Variants in DMBT1 observed in about 807,000 individuals in gnomAD.
DMBT1 encodes scavenger receptor cysteine-rich domain-containing protein DMBT1.
In DMBT1, 198 loss-of-function variants were observed where a neutral mutation model predicts 252.9. The ratio of observed to expected loss-of-function variants is 0.78; its 90% CI spans 0.70 to 0.88. The LOEUF (loss-of-function observed/expected upper bound fraction) is 0.88, where lower values mean the gene tolerates loss of function less well. Ranked by LOEUF, DMBT1 falls within the 40% of genes least tolerant of loss-of-function variation. The pLI, the probability that DMBT1 is intolerant of heterozygous loss-of-function variation, is 0.00. For synonymous variants in DMBT1, 990 were observed against 942.7 expected, an observed-to-expected ratio of 1.05 and a Z score of -0.92; for missense variants, 2,432 against 2,404.7, an observed-to-expected ratio of 1.01 and a Z score of -0.24.
At chr10:122,599,905 G>A (rs2097924520) in intron 26 of DMBT1, among the ~76,000 whole-genome samples, 159 bp from the exon 27 acceptor site, 1 of 152,112 alleles carries the variant, frequency 6.6e-6, no homozygotes, top group Admixed American at 6.5e-5. Flanking sequence ...CCCTTACATG[G>A]TGCATCTCTG....
rs1288832906 is a variant in DMBT1, at chr10:122,565,977, C to G, written c.72C>G (p.Ile24Met). The part of the protein sequence containing the change: ...WGQVLSTGGW[I>M]PRTTDYASLI... ...TTGTGTTCTTTCCAGGTGGGTGGAT[C>G]CCAAGGACTACAGACTACGGTAAGA... Residue 24 changes from isoleucine to methionine, a missense_variant, in exon 2 of 56, where the codon ATC becomes ATG. Physicochemically the swap from Ile to Met is conservative, Grantham distance 10 (BLOSUM62 1). This residue lies in a region of DMBT1 where 1,264 missense variants were observed against 1,082.2 expected (regional missense o/e 1.17). Transcript: ENST00000338354. 8 of 1,613,922 alleles carry G rather than the reference C, an allele frequency of 5.0e-6. 1 individual carries two copies. In the South Asian group the frequency reaches 8.8e-5, roughly 18 times the overall value.
intron 52 of DMBT1, 36 bp from the exon 53 acceptor site, chr10:122,635,955 G>A: frequency 1.2e-6 from 2 of 1,609,550 alleles, no homozygotes; most frequent in South Asian, 2.2e-5. Context: ...AATTCTGGGA[G>A]GAAATGAAGC....
chr10:122,626,511 T>A (rs917664487), intron 46 of DMBT1, among the ~76,000 whole-genome samples: 1 of 152,226 alleles, frequency 6.6e-6, no homozygotes, highest in Admixed American at 6.5e-5. Context: ...CCTCACTAAT[T>A]TTTCCTTTAG....
At chr10:122,631,746 G>T in intron 49 of DMBT1, 109 bp from the exon 50 acceptor site, 1 of 1,253,520 alleles carries the variant, frequency 8.0e-7, no homozygotes, top group Non-Finnish European at 1.1e-6. Flanking sequence ...GGGGACCCTC[G>T]CCGAGGGGGG....
chr10:122,568,695 C>T (rs913207994), intron 2 of DMBT1, among the ~76,000 whole-genome samples: 13 of 152,208 alleles, frequency 8.5e-5, no homozygotes, highest in South Asian at 6.2e-4. Context: ...ACAGCTGGGA[C>T]GCCCAGGATG....
At chr10:122,571,072 A>T in intron 4 of DMBT1, 135 bp downstream of exon 4, 2 of 1,102,582 alleles carry the variant, frequency 1.8e-6, no homozygotes, top group Non-Finnish European at 2.7e-6. Flanking sequence ...TGTGGATATC[A>T]CCTTGCTCTG....
Position 122,640,020 on chromosome 10 carries a change from C to A in DMBT1, c.6943-20C>A, listed in dbSNP as rs1319744368. On this transcript the variant is annotated intron_variant, in intron 54 of 55. Transcript: ENST00000338354. ...CAGGTGACATGTGCCTGACTCTGCT[C>A]TCTTGCCTGCCTCTCCTAGGCAGAC... 2 of 1,606,760 alleles carry A rather than the reference C, an allele frequency of 1.2e-6. No individual in the cohort carries two copies. Among genetic ancestry groups the A allele is most frequent in the Non-Finnish European group, 1.7e-6 (2 of 1,175,306 alleles).
intron 26 of DMBT1, 123 bp from the exon 27 acceptor site, chr10:122,599,941 C>A: frequency 1.4e-6 from 2 of 1,403,658 alleles, no homozygotes; most frequent in East Asian, 2.3e-5. Flanking sequence ...CAATGCCCCT[C>A]CCTGTGTGAT....
At chr10:122,570,750 C>T in intron 3 of DMBT1, 140 bp from the exon 4 acceptor site, 1 of 1,049,350 alleles carries the variant, frequency 9.5e-7, no homozygotes, top group Non-Finnish European at 1.5e-6. Context: ...CAGTGATTGG[C>T]ACATGGTTGG....
At chr10:122,638,773 C>A (rs4752713) in intron 54 of DMBT1, among the ~76,000 whole-genome samples, 29,801 of 152,218 alleles carry the variant, frequency 0.2, 4,033 homozygotes, top group East Asian at 0.4. Context: ...ACCATATTGC[C>A]TATCACACTG....
intron 44 of DMBT1, among the ~76,000 whole-genome samples, 190 bp downstream of exon 44, chr10:122,621,570 G>C (rs1341211344): frequency 6.6e-6 from 1 of 152,160 alleles, no homozygotes; most frequent in Non-Finnish European, 1.5e-5. Context: ...TTAGGACAGG[G>C]GACCAAACTG....
chr10:122,638,303 A>G (rs548260704), intron 54 of DMBT1, among the ~76,000 whole-genome samples: 1 of 151,366 alleles, frequency 6.6e-6, no homozygotes, highest in Non-Finnish European at 1.5e-5. Context: ...ATTCACACCC[A>G]TTCACACTCG....
At chr10:122,639,930 G>C in intron 54 of DMBT1, 110 bp from the exon 55 acceptor site, 2 of 1,310,462 alleles carry the variant, frequency 1.5e-6, no homozygotes, top group Non-Finnish European at 1.0e-6. Context: ...TTCTGGGAGG[G>C]GTGGAAGTCT....
intron 25 of DMBT1, 130 bp downstream of exon 25, chr10:122,598,142 G>A (rs2097902192): frequency 1.4e-6 from 2 of 1,385,014 alleles, no homozygotes; most frequent in Admixed American, 1.8e-5. Flanking sequence ...TGCATGGGAG[G>A]AAGGTAGCGT....
intron 26 of DMBT1, 62 bp downstream of exon 26, chr10:122,599,159 T>A (rs532466215): frequency 1.2e-6 from 2 of 1,611,968 alleles, no homozygotes; most frequent in East Asian, 2.2e-5. Flanking sequence ...AAGAAACTCC[T>A]AATTACATTC....
chr10:122,628,385 C>A (rs944178818), intron 46 of DMBT1, among the ~76,000 whole-genome samples: 1 of 152,066 alleles, frequency 6.6e-6, no homozygotes, highest in African/African-American at 2.4e-5. Flanking sequence ...CCTGTAATCC[C>A]AGCATTTTGG....
intron 48 of DMBT1, 89 bp downstream of exon 48, chr10:122,630,579 A>G: frequency 7.3e-7 from 1 of 1,376,940 alleles, no homozygotes; most frequent in East Asian, 2.3e-5. Context: ...AGGAAATCAA[A>G]GAAGGGCCTC....
intron 48 of DMBT1, 64 bp from the exon 49 acceptor site, chr10:122,630,897 A>G: frequency 6.6e-7 from 1 of 1,512,798 alleles, no homozygotes; most frequent in Non-Finnish European, 8.9e-7. Context: ...TTGGCCTTTG[A>G]GGTTTGTTGT....
rs1844891289 is a variant in DMBT1 at position 122,643,237 on chromosome 10, A to G, written c.7468A>G (p.Lys2490Glu). 3.1e-6 allele frequency: 5 copies of G among 1,613,950 alleles called. No individual in the cohort carries two copies. The highest frequency in any genetic ancestry group is 4.2e-6 in the Non-Finnish European group (5 of 1,179,882). The change falls in exon 56 of 56, where the codon AAA becomes GAA. Residue 2490 changes from lysine (K) to glutamate (E), a missense_variant. This residue lies in a region of DMBT1 where 1,162 missense variants were observed against 1,169.0 expected (regional missense o/e 0.99). Coordinates refer to ENST00000338354, the MANE Select transcript of DMBT1 (RefSeq NM_001377530.1). ...CTTCCCCTCCGTGTACCTGCGTTGT[A>G]AAATGGTGGTGTGCAGAGCGTATGA... ...NRFPSVYLRC[K>E]MVVCRAYDPS...
Sources: gnomAD v4.1 joint callset for allele counts (sites outside exome capture counted in the v4.1 genomes callset) on GRCh38, gnomAD v4.1.1 for gene constraint, gnomAD v4.1.1 regional missense constraint, MANE v1.5 for transcripts, NCBI Gene and HGNC (gene_info 2026-07-23, HGNC 2026-07-21) for gene names.